The following GMDS variants were observed in gnomAD, a reference collection of about 807,000 sequenced individuals.
The protein encoded by GMDS is GDP-mannose 4,6-dehydratase.
A neutral mutation model predicts 49.9 loss-of-function variants in GMDS; 20 were observed. The ratio of observed to expected loss-of-function variants is 0.40; its 90% confidence interval spans 0.28 to 0.58. The LOEUF (loss-of-function observed/expected upper bound fraction) is 0.58. GMDS is among the 20% of genes least tolerant of loss of function. The pLI is 0.42. For synonymous variants in GMDS, 177 were observed against 178.6 expected, an observed-to-expected ratio of 0.99 and a Z score of 0.07; for missense variants, 362 against 481.4, an observed-to-expected ratio of 0.75 and a Z score of 2.32.
At chr6:1,924,325 G>T (rs544858859) in intron 7 of GMDS, among the ~76,000 whole-genome samples, 1 of 152,296 alleles carries the variant, frequency 6.6e-6, no homozygotes, top group Non-Finnish European at 1.5e-5. Context: ...CACCCCTAAC[G>T]ATCCTCACGT....
intron 9 of GMDS, among the ~76,000 whole-genome samples, chr6:1,684,759 C>T (rs1221472588): frequency 3.9e-5 from 6 of 152,066 alleles, no homozygotes; most frequent in Non-Finnish European, 7.4e-5. Flanking sequence ...CTGTATATGG[C>T]CAAAACTCAT....
At chr6:2,029,067 T>C (rs993077171) in intron 4 of GMDS, among the ~76,000 whole-genome samples, 16 of 151,612 alleles carry the variant, frequency 1.1e-4, no homozygotes, top group Admixed American at 5.3e-4. Context: ...TTTTAAAAAA[T>C]AGATAATTAT....
intron 4 of GMDS, among the ~76,000 whole-genome samples, chr6:1,966,250 A>G (rs918388570): frequency 1.3e-5 from 2 of 151,970 alleles, no homozygotes; most frequent in Non-Finnish European, 2.9e-5. Flanking sequence ...TCTCAATACT[A>G]TGGGATGATT....
At chr6:1,916,806 C>T (rs990702008) in intron 7 of GMDS, among the ~76,000 whole-genome samples, 3 of 152,004 alleles carry the variant, frequency 2.0e-5, no homozygotes, top group South Asian at 4.1e-4. Flanking sequence ...TGCTTAACTA[C>T]AATGAGGCTT....
intron 4 of GMDS, among the ~76,000 whole-genome samples, chr6:1,972,341 C>G (rs1402810653): frequency 6.7e-6 from 1 of 149,268 alleles, no homozygotes; most frequent in Non-Finnish European, 1.5e-5. Flanking sequence ...ATATTAGATG[C>G]CTTTTCTCTG....
intron 1 of GMDS, among the ~76,000 whole-genome samples, chr6:2,181,031 G>A (rs1778497273): frequency 6.6e-6 from 1 of 151,954 alleles, no homozygotes; most frequent in Non-Finnish European, 1.5e-5. Flanking sequence ...GCCAGACGTA[G>A]TGACTACACC....
chr6:1,858,433 T>C (rs569084953), intron 7 of GMDS, among the ~76,000 whole-genome samples: 54 of 152,340 alleles, frequency 3.5e-4, no homozygotes, highest in Admixed American at 3.3e-4. Flanking sequence ...GCCAGCAAAG[T>C]GAAAGAGGCT....
chr6:2,074,276 G>A (rs1772188515), intron 4 of GMDS, among the ~76,000 whole-genome samples: 2 of 152,174 alleles, frequency 1.3e-5, no homozygotes, highest in African/African-American at 4.8e-5. Flanking sequence ...TAGTGATCTT[G>A]AGCATCTTTT....
At chr6:2,083,358 A>G (rs1440053385) in intron 4 of GMDS, among the ~76,000 whole-genome samples, 1 of 152,172 alleles carries the variant, frequency 6.6e-6, no homozygotes, top group Non-Finnish European at 1.5e-5. Flanking sequence ...CCATAGTATT[A>G]CCATTATTAA....
In GMDS at chr6:2,163,280, G is replaced by A. The variant is rs115670732; in HGVS notation, c.103-38549C>T. On this transcript the variant is annotated intron_variant, in intron 1 of 10. Transcript: ENST00000380815. Reference sequence around the variant, plus strand: ...TCTCAGGTGGAAAGAGAATCACCAAGGAAAAGTCAGATTTCCAAGCCCACT... The same window carrying A: ...TCTCAGGTGGAAAGAGAATCACCAAAGAAAAGTCAGATTTCCAAGCCCACT... Among the ~76,000 whole-genome samples the A allele has an allele frequency of 3.9e-3, 589 of 152,264 alleles. 5 individuals are homozygous for A. Among genetic ancestry groups the A allele is most frequent in the African/African-American group, 0.013 (558 of 41,528 alleles).
rs1554104118 is a variant in GMDS, at chr6:1,652,392, TTA to T, written c.988-27854_988-27853del. On this transcript the variant is annotated intron_variant, in intron 9 of 10. Coordinates refer to ENST00000380815, the MANE Select transcript of GMDS (RefSeq NM_001500.4). The stretch of plus-strand genomic sequence containing the variant: ...CGCTAAAAAAAAAAATATATATATA[TTA>T]TATATATATATATATTATATATAAT... Among the ~76,000 whole-genome samples, 25 of 6,282 alleles carry T rather than the reference TTA, an allele frequency of 4.0e-3. 3 individuals carry two copies. The highest frequency in any genetic ancestry group is 9.5e-3 in the African/African-American group (23 of 2,418). The allele number at this position is 6,282 out of a possible 152,430, so 4.1% of individuals were successfully genotyped here. A position where few individuals can be genotyped will look rare whatever the true frequency, so the allele number is the denominator to read the frequency against.
intron 7 of GMDS, among the ~76,000 whole-genome samples, chr6:1,913,529 A>T (rs1446823725): frequency 6.6e-6 from 1 of 152,248 alleles, no homozygotes; most frequent in Non-Finnish European, 1.5e-5. Flanking sequence ...TTCTTCCTCA[A>T]AGAATAGAAG....
chr6:2,134,865 G>A lies in GMDS; in HGVS notation c.103-10134C>T, dbSNP rs1775916275. Among the ~76,000 whole-genome samples, 3 of 152,022 alleles carry A rather than the reference G, an allele frequency of 2.0e-5. No homozygotes were observed. The South Asian group carries it at 6.2e-4, about 32-fold the overall frequency. ...ACTATACAGCAAAGTATTTATTATTGTTTCTATCAAAATAATATCTTACAT... is the reference window on the plus strand; with the variant it reads ...ACTATACAGCAAAGTATTTATTATTATTTCTATCAAAATAATATCTTACAT... On this transcript the variant is annotated intron_variant, in intron 1 of 10. Transcript: ENST00000380815.
chr6:1,744,077 C>T (rs1293309366), intron 7 of GMDS, among the ~76,000 whole-genome samples: 2 of 152,068 alleles, frequency 1.3e-5, no homozygotes, highest in African/African-American at 4.8e-5. Flanking sequence ...TTAGAAAATG[C>T]CACCAAAAAA....
At chr6:2,199,275 A>G (rs1338348841) in intron 1 of GMDS, among the ~76,000 whole-genome samples, 1 of 152,246 alleles carries the variant, frequency 6.6e-6, no homozygotes, top group Non-Finnish European at 1.5e-5. Context: ...ATGGATGGCA[A>G]CAAAGTATTA....
intron 7 of GMDS, among the ~76,000 whole-genome samples, chr6:1,773,746 A>T (rs759421295): frequency 3.3e-5 from 5 of 152,222 alleles, no homozygotes; most frequent in African/African-American, 4.8e-5. Context: ...CCGTGGAGGT[A>T]ATTATATCTT....
intron 1 of GMDS, among the ~76,000 whole-genome samples, chr6:2,158,741 C>T (rs114914715): frequency 0.013 from 1,956 of 152,322 alleles, 17 homozygotes; most frequent in Non-Finnish European, 0.019. Context: ...TCGCTTCTTA[C>T]CGCCCCCTAG....
chr6:1,655,274 C>A (rs548485595), intron 9 of GMDS, among the ~76,000 whole-genome samples: 60 of 152,108 alleles, frequency 3.9e-4, no homozygotes, highest in Middle Eastern at 3.4e-3. Context: ...GGTTACATCA[C>A]GGGAACTGGG....
intron 7 of GMDS, among the ~76,000 whole-genome samples, chr6:1,761,318 CTT>C (rs1394383240): frequency 6.6e-6 from 1 of 152,150 alleles, no homozygotes. Context: ...AAGTATTTAA[CTT>C]ATCGAGTATT....
Sources: allele counts gnomAD v4.1 joint callset (sites outside exome capture counted in the v4.1 genomes callset), GRCh38; gene constraint gnomAD v4.1.1; transcripts MANE v1.5; gene names NCBI Gene and HGNC (gene_info 2026-07-23, HGNC 2026-07-21).